GIGYF2: variants seen among roughly 807,000 people sequenced by gnomAD.
GIGYF2 encodes the protein GRB10 interacting GYF protein 2, also known as GRB10-interacting GYF protein 2.
Under a neutral mutation model 208.1 loss-of-function variants are expected in GIGYF2, and 25 were observed. That is an observed-to-expected ratio of 0.12 (90% CI 0.09 to 0.17). The LOEUF (loss-of-function observed/expected upper bound fraction) is 0.17, where lower values mean the gene tolerates loss of function less well. GIGYF2 is among the 10% of genes least tolerant of loss of function. GIGYF2 has a pLI of 1.00. For missense variants in GIGYF2, 1,302 were observed against 1,579.4 expected (o/e 0.82, Z 2.98); for synonymous variants, 534 against 543.8 (o/e 0.98, Z 0.25).
intron 2 of GIGYF2, among the ~76,000 whole-genome samples, chr2:232,727,864 GC>G (rs1358943249): frequency 6.6e-6 from 1 of 152,186 alleles, no homozygotes; most frequent in African/African-American, 2.4e-5. Context: ...CAAGCACCTT[GC>G]ACTTACTTTG....
chr2:232,801,897 C>G (rs1700409989), intron 14 of GIGYF2, among the ~76,000 whole-genome samples: 1 of 152,192 alleles, frequency 6.6e-6, no homozygotes, highest in African/African-American at 2.4e-5. Context: ...GTTAAATCTT[C>G]CAGTCCATGA....
At position 232,806,741 on chromosome 2, in the gene GIGYF2, T is replaced by C; in HGVS notation, c.1806+84T>C. 1 of 929,422 alleles carries C rather than the reference T, an allele frequency of 1.1e-6. No individual in the cohort carries two copies. The highest frequency in any genetic ancestry group is 1.8e-6 in the Non-Finnish European group (1 of 559,636). The allele number at this position is 929,422 out of a possible 1,614,324, so 57.6% of individuals were successfully genotyped here. On this transcript the variant is annotated intron_variant, in intron 15 of 28. Coordinates refer to ENST00000373563, the MANE Select transcript of GIGYF2 (RefSeq NM_001103146.3). This position sits in a 1 kb window ranked among gnomAD's most constrained non-coding sequence, Gnocchi z 4.0. The stretch of plus-strand genomic sequence containing the variant: ...TTGAAAACACAACCCAAATATATCA[T>C]CTAATGAAGGAATTGTAGTTCTTTG...
At chr2:232,821,351 T>G (rs921992359) in intron 21 of GIGYF2, among the ~76,000 whole-genome samples, 1 of 152,132 alleles carries the variant, frequency 6.6e-6, no homozygotes, top group Non-Finnish European at 1.5e-5. Context: ...AGGCATGTGC[T>G]GCCACGCTCG....
intron 5 of GIGYF2, among the ~76,000 whole-genome samples, chr2:232,754,037 C>T (rs535988509): frequency 1.2e-4 from 19 of 152,140 alleles, no homozygotes; most frequent in Admixed American, 9.2e-4. Flanking sequence ...TGGTGGCATG[C>T]GCCTGTAGTC....
chr2:232,847,691 TA>T (rs1559168445), intron 27 of GIGYF2, 120 bp downstream of exon 27: 1 of 1,357,062 alleles, frequency 7.4e-7, no homozygotes, highest in Non-Finnish European at 1.0e-6. Context: ...AACCATGCTT[TA>T]AAAAATGTGT....
chr2:232,807,708 A>G (rs1700599302), intron 15 of GIGYF2, among the ~76,000 whole-genome samples: 1 of 152,038 alleles, frequency 6.6e-6, no homozygotes, highest in African/African-American at 2.4e-5. Context: ...CTGTCTGGTG[A>G]CGGGCTGTAG....
In GIGYF2 at chr2:232,779,969, T is replaced by C. The variant is rs571193682; in HGVS notation, c.533-7181T>C. On this transcript the variant is annotated intron_variant, in intron 8 of 28. Coordinates refer to ENST00000373563, the MANE Select transcript of GIGYF2 (RefSeq NM_001103146.3). ...TTTTTTTGGTGTTGATCAGATAATA[T>C]ATATCTGAACAGAGTAATACAAAGT... Among the ~76,000 whole-genome samples, 37 of 152,248 alleles carry C rather than the reference T, an allele frequency of 2.4e-4. No homozygotes were observed. The East Asian group carries it at 6.2e-3, about 25-fold the overall frequency.
intron 14 of GIGYF2, among the ~76,000 whole-genome samples, chr2:232,799,552 AAATAATAAT>A (rs55730253): frequency 1.4e-4 from 20 of 146,788 alleles, no homozygotes; most frequent in South Asian, 6.6e-4. Flanking sequence ...CCTGTCTTTA[AAATAATAAT>A]AATAATAATA....
chr2:232,702,601 T>G (rs1695904737), intron 1 of GIGYF2, among the ~76,000 whole-genome samples: 1 of 152,172 alleles, frequency 6.6e-6, no homozygotes, highest in Non-Finnish European at 1.5e-5. Flanking sequence ...ATACTTCAAT[T>G]CACTCTTGTC....
intron 8 of GIGYF2, among the ~76,000 whole-genome samples, chr2:232,770,422 G>C (rs2106338395): frequency 6.6e-6 from 1 of 152,200 alleles, no homozygotes; most frequent in Middle Eastern, 3.4e-3. Context: ...GGTGTTCTGG[G>C]CTCACTGGCA....
chr2:232,820,699 C>T (rs1701052508), intron 21 of GIGYF2, among the ~76,000 whole-genome samples: 1 of 152,116 alleles, frequency 6.6e-6, no homozygotes. Flanking sequence ...CTGTGGATAT[C>T]TAGTTTTCCC....
In GIGYF2 at chr2:232,819,843, G is replaced by A. The variant is rs148286728; in HGVS notation, c.2387G>A (p.Arg796His). 7.1e-6 allele frequency: 11 copies of A among 1,558,834 alleles called. No homozygotes were observed. The highest frequency in any genetic ancestry group is 2.3e-5 in the East Asian group (1 of 43,500). Residue 796 changes from arginine (R) to histidine (H), a missense_variant, in exon 21 of 29, where the codon CGC becomes CAC. By Grantham distance (29) the Arg-to-His change is conservative. Around this residue, in one of 8 missense-constraint regions of GIGYF2, gnomAD observed 701 missense variants for 793.0 expected, o/e 0.88. Coordinates refer to ENST00000373563, the MANE Select transcript of GIGYF2 (RefSeq NM_001103146.3). Reference sequence around the variant, plus strand: ...TTTCCTTAGGAAGAGGCTCTGCGTCGCCAGCGGGAGCAAGAAATTGCATTA... The same window carrying A: ...TTTCCTTAGGAAGAGGCTCTGCGTCACCAGCGGGAGCAAGAAATTGCATTA... ...ARRKQEEALR[R>H]QREQEIALRR...
chr2:232,790,817 A>G lies in GIGYF2; in HGVS notation c.832A>G (p.Ile278Val), dbSNP rs118203904. ...YRRVRSGSGSIDDDRDSLPEW... is the reference protein window; with the variant it reads ...YRRVRSGSGSVDDDRDSLPEW... ...AAGGGTTCGCTCTGGCAGTGGGAGC[A>G]TAGATGATGACAGGGATAGCTTGCC... Residue 278 changes from isoleucine to valine, a missense_variant, in exon 10 of 29, where the codon ATA becomes GTA. This residue lies in a region of GIGYF2 where 50 missense variants were observed against 42.3 expected (regional missense o/e 1.18). Transcript: ENST00000373563. 3.8e-5 allele frequency: 62 copies of G among 1,614,144 alleles called. No individual in the cohort carries two copies. In the East Asian group the frequency reaches 1.2e-3, roughly 32 times the overall value.
chr2:232,787,238 T>A lies in GIGYF2; in HGVS notation c.621T>A (p.Phe207Leu), dbSNP rs1279723409. ...IRSESENWRI[F>L]REEQNGEDED... is the part of the protein sequence containing the mutation. ...CAGAAAGTGAAAATTGGCGCATCTT[T>A]AGAGAGGAACAAAATGGAGAAGATG... Residue 207 changes from phenylalanine to leucine, a missense_variant, in exon 9 of 29, where the codon TTT (phenylalanine) becomes TTA (leucine). By Grantham distance (22) the Phe-to-Leu change is conservative. Coordinates refer to ENST00000373563, the MANE Select transcript of GIGYF2 (RefSeq NM_001103146.3). 1.2e-6 allele frequency: 2 copies of A among 1,614,008 alleles called. No homozygotes were observed. The highest frequency in any genetic ancestry group is 3.3e-5 in the Admixed American group (2 of 60,010).
chr2:232,755,239 C>T (rs556096358), intron 5 of GIGYF2, among the ~76,000 whole-genome samples: 76 of 152,242 alleles, frequency 5.0e-4, no homozygotes, highest in South Asian at 1.5e-3. Context: ...GGCATGATCT[C>T]GGCTCACTGC....
At chr2:232,812,302 A>T in intron 17 of GIGYF2, 89 bp from the exon 18 acceptor site, 1 of 699,684 alleles carries the variant, frequency 1.4e-6, no homozygotes, top group Non-Finnish European at 2.6e-6. Context: ...TAACCTGGAG[A>T]ACCTGCTAAT....
At chr2:232,788,965 A>T (rs1446394199) in intron 9 of GIGYF2, among the ~76,000 whole-genome samples, 4 of 152,206 alleles carry the variant, frequency 2.6e-5, no homozygotes, top group Admixed American at 6.5e-5. Context: ...TTTTAAACCC[A>T]GTATATTCAA....
At chr2:232,766,140 A>C (rs1698953681) in intron 8 of GIGYF2, among the ~76,000 whole-genome samples, 1 of 152,232 alleles carries the variant, frequency 6.6e-6, no homozygotes, top group African/African-American at 2.4e-5. Flanking sequence ...TAAGTGAAAG[A>C]AACAATGAAC....
intron 2 of GIGYF2, among the ~76,000 whole-genome samples, chr2:232,706,356 C>T (rs764136212): frequency 3.8e-4 from 58 of 152,136 alleles, no homozygotes; most frequent in Non-Finnish European, 6.9e-4. Context: ...GTAAAATTGT[C>T]ATGGGCTGAG....
Sources: gnomAD v4.1 joint callset for allele counts (sites outside exome capture counted in the v4.1 genomes callset) on GRCh38, gnomAD v4.1.1 for gene constraint, gnomAD v4.1.1 regional missense constraint, Gnocchi (gnomAD v3.1) non-coding constraint, MANE v1.5 for transcripts, NCBI Gene and HGNC (gene_info 2026-07-23, HGNC 2026-07-21) for gene names.